FCGR2A: variants seen among roughly 807,000 people sequenced by gnomAD.
The protein encoded by FCGR2A is low affinity immunoglobulin gamma Fc region receptor II-a.
FCGR2A carries 18 observed loss-of-function variants against 29.3 expected under a neutral mutation model. The ratio of observed to expected loss-of-function variants is 0.62; its 90% CI spans 0.43 to 0.91. The LOEUF is 0.91. Among genes scored for constraint, FCGR2A ranks in the 40% least tolerant of loss-of-function variants. The probability of loss-of-function intolerance (pLI) is 0.00; values close to 1 mark genes in which losing one functional copy is unlikely to be tolerated. For missense variants in FCGR2A, 287 were observed against 393.0 expected (o/e 0.73, Z 2.28); for synonymous variants, 126 against 144.8 (o/e 0.87, Z 0.93).
chr1:161,508,397 T>C (rs1271484453), intron 3 of FCGR2A, among the ~76,000 whole-genome samples: 1 of 151,820 alleles, frequency 6.6e-6, no homozygotes, highest in Non-Finnish European at 1.5e-5. Context: ...GAGACCAGCC[T>C]GGCCAACATG....
chr1:161,513,935 G>A lies in FCGR2A; in HGVS notation c.780+3G>A. 13 of 1,614,184 alleles carry A rather than the reference G, an allele frequency of 8.1e-6. No homozygotes were observed. The highest frequency in any genetic ancestry group is 1.1e-5 in the Non-Finnish European group (13 of 1,180,042). ...CTGTGAAGGCTGCCCAATTTGAGGT[G>A]AGTAATCCCAGCCATCTCCTTTTCC... is the stretch of plus-strand genomic sequence containing the variant. On this transcript the variant is annotated splice_donor_region_variant and intron_variant, in intron 6 of 6. Coordinates refer to ENST00000271450, the MANE Select transcript of FCGR2A (RefSeq NM_001136219.3).
In FCGR2A at chr1:161,506,800, G is replaced by A. The variant is rs978282574; in HGVS notation, c.364+209G>A. ...GAATTTCTAATAATTTTCTCAGCAT[G>A]TGTTAGGTTGTTTTTGCCTCAGTCT... On this transcript the variant is annotated intron_variant, in intron 3 of 6. Transcript: ENST00000271450. The A allele has an allele frequency of 1.2e-5, 12 of 1,035,876 alleles. No homozygotes were observed. In the African/African-American group the frequency reaches 1.9e-4, roughly 17 times the overall value. The allele number at this position is 1,035,876 out of a possible 1,614,324, so 64.2% of individuals were successfully genotyped here.
At chr1:161,515,641 G>T (rs1400762800) in intron 6 of FCGR2A, among the ~76,000 whole-genome samples, 1 of 152,030 alleles carries the variant, frequency 6.6e-6, no homozygotes, top group Non-Finnish European at 1.5e-5. Flanking sequence ...AAAGAAAAAA[G>T]GAGGAATTTT....
chr1:161,522,640 G>C (rs1252532265), downstream of FCGR2A, among the ~76,000 whole-genome samples: 1 of 152,130 alleles, frequency 6.6e-6, no homozygotes, highest in Non-Finnish European at 1.5e-5. Flanking sequence ...TAGACCCTGA[G>C]AGTGAGTGAA....
chr1:161,514,179 A>G (rs1373518424), intron 6 of FCGR2A, among the ~76,000 whole-genome samples: 7 of 152,228 alleles, frequency 4.6e-5, no homozygotes, highest in Non-Finnish European at 1.0e-4. Flanking sequence ...GTAAATGTTT[A>G]TGTTAGACAG....
chr1:161,507,747 C>T (rs758888635), intron 3 of FCGR2A, among the ~76,000 whole-genome samples: 4 of 151,990 alleles, frequency 2.6e-5, no homozygotes, highest in Admixed American at 2.0e-4. Context: ...CAGAGACAGC[C>T]GATAGTAATT....
chr1:161,518,265 C>A lies in FCGR2A; in HGVS notation c.*117C>A, dbSNP rs376151162. The A allele has an allele frequency of 2.7e-6, 4 of 1,503,448 alleles. No individual in the cohort carries two copies. In the South Asian group the frequency reaches 4.1e-5, roughly 15 times the overall value. 93.1% of individuals were successfully genotyped at this position (1,503,448 alleles called of 1,614,324 possible). A position where few individuals can be genotyped will look rare whatever the true frequency, so the allele number is the denominator to read the frequency against. The stretch of plus-strand genomic sequence containing the variant: ...TGGAAAAATCCTGAGCAAACAAAAC[C>A]ACCTGGCCCTTAGAAATAGCTTTAA... On this transcript the variant is annotated 3_prime_UTR_variant, in exon 7 of 7. Coordinates refer to ENST00000271450, the MANE Select transcript of FCGR2A (RefSeq NM_001136219.3).
rs1557838445 is a variant in FCGR2A, at chr1:161,518,199, CAA to C, written c.*55_*56del. 6.3e-7 allele frequency: 1 copy of C among 1,577,540 alleles called. No individual in the cohort carries two copies. The highest frequency in any genetic ancestry group is 8.6e-7 in the Non-Finnish European group (1 of 1,164,292). On this transcript the variant is annotated 3_prime_UTR_variant, in exon 7 of 7. Coordinates refer to ENST00000271450, the MANE Select transcript of FCGR2A (RefSeq NM_001136219.3). Reference sequence around the variant, plus strand: ...TACTCTCAGCTTGCTGAGTGGATGACAAAAAGAGGGGAATTGTTAAAGGAAAA... The same window carrying C: ...TACTCTCAGCTTGCTGAGTGGATGACAAAGAGGGGAATTGTTAAAGGAAAA...
downstream of FCGR2A, chr1:161,520,055 A>G (rs568521612): frequency 6.6e-6 from 1 of 152,068 alleles, no homozygotes; most frequent in Admixed American, 6.5e-5. Flanking sequence ...CAATTCTTGC[A>G]TTTGAAAAGT....
rs579911 is a variant in FCGR2A, at chr1:161,515,715, C to T, written c.780+1783C>T. 1.7e-4 allele frequency among the ~76,000 whole-genome samples: 26 copies of T among 151,920 alleles called. 1 individual carries two copies. The highest frequency in any genetic ancestry group is 6.3e-4 in the South Asian group (3 of 4,798). On this transcript the variant is annotated intron_variant, in intron 6 of 6. Coordinates refer to ENST00000271450, the MANE Select transcript of FCGR2A (RefSeq NM_001136219.3). ...TCTCCACAAATATCAATAAAAAGTG[C>T]CAGCCATCAGAACAGCTAACTTTAA...
Position 161,514,319 on chromosome 1 carries a change from T to A in FCGR2A, c.780+387T>A, listed in dbSNP as rs55973729. On this transcript the variant is annotated intron_variant, in intron 6 of 6. Transcript: ENST00000271450. ...CAAACCTATCAAATTTCTTTATTTT[T>A]CTTCCACATTTTCCAAATTAATACT... Among the ~76,000 whole-genome samples, 890 of 145,790 alleles carry A rather than the reference T, an allele frequency of 6.1e-3. 7 individuals are homozygous for A. The highest frequency in any genetic ancestry group is 0.031 in the Middle Eastern group (9 of 286).
downstream of FCGR2A, among the ~76,000 whole-genome samples, chr1:161,520,230 T>C (rs1676398130): frequency 6.6e-6 from 1 of 151,966 alleles, no homozygotes; most frequent in Non-Finnish European, 1.5e-5. Flanking sequence ...GAAAAGAGGG[T>C]TAATTGGCTC....
chr1:161,520,321 A>G (rs955266651), downstream of FCGR2A, among the ~76,000 whole-genome samples: 2 of 152,158 alleles, frequency 1.3e-5, no homozygotes, highest in Non-Finnish European at 2.9e-5. Context: ...CCTTCTGCAC[A>G]TGATGGCAGG....
chr1:161,512,392 G>A (rs1487553001), intron 5 of FCGR2A, among the ~76,000 whole-genome samples: 33 of 147,404 alleles, frequency 2.2e-4, no homozygotes, highest in East Asian at 5.9e-4. Flanking sequence ...GGCAAAGCTC[G>A]GTTCCAATGC....
At chr1:161,511,695 C>A (rs571132474) in intron 5 of FCGR2A, among the ~76,000 whole-genome samples, 24 of 152,202 alleles carry the variant, frequency 1.6e-4, no homozygotes, top group Non-Finnish European at 3.1e-4. Flanking sequence ...CCAATCCTGG[C>A]CCTGGTCCTT....
chr1:161,515,542 C>T (rs979021922), intron 6 of FCGR2A, among the ~76,000 whole-genome samples: 1 of 152,030 alleles, frequency 6.6e-6, no homozygotes, highest in Non-Finnish European at 1.5e-5. Context: ...CCCAAAACTC[C>T]TTCTTGGAGA....
intron 1 of FCGR2A, 199 bp from the exon 2 acceptor site, chr1:161,505,788 C>T (rs1419255328): frequency 2.8e-6 from 2 of 718,292 alleles, no homozygotes. Context: ...ACTTTGTAGT[C>T]ATGAGGAGGA....
chr1:161,522,016 A>ATAAGTGGATATATT (rs1676471346), downstream of FCGR2A, among the ~76,000 whole-genome samples: 1 of 152,032 alleles, frequency 6.6e-6, no homozygotes, highest in Non-Finnish European at 1.5e-5. Context: ...GCTACTAAAC[A>ATAAGTGGATATATT]TAAGTGGATA....
At chr1:161,507,128 T>G in intron 3 of FCGR2A, among the ~76,000 whole-genome samples, 1 of 152,180 alleles carries the variant, frequency 6.6e-6, no homozygotes, top group East Asian at 1.9e-4. Context: ...TGAGATGGCT[T>G]TAATTAAAGG....
Sources: allele counts gnomAD v4.1 joint callset (sites outside exome capture counted in the v4.1 genomes callset), GRCh38; gene constraint gnomAD v4.1.1; transcripts MANE v1.5; gene names NCBI Gene and HGNC (gene_info 2026-07-23, HGNC 2026-07-21).